The following PTK2B variants were observed in gnomAD, a reference collection of about 807,000 sequenced individuals.
PTK2B encodes protein tyrosine kinase 2 beta.
A neutral mutation model predicts 142.9 loss-of-function variants in PTK2B; 71 were observed. That is an observed-to-expected ratio of 0.50 (90% confidence interval 0.41 to 0.61). PTK2B has a LOEUF of 0.61. PTK2B is among the 20% of genes least tolerant of loss of function. The pLI, the probability that PTK2B is intolerant of heterozygous loss-of-function variation, is 0.00. For missense variants in PTK2B, 1,105 were observed against 1,320.4 expected, an observed-to-expected ratio of 0.84 and a Z score of 2.53; for synonymous variants, 519 against 503.4, an observed-to-expected ratio of 1.03 and a Z score of -0.42.
chr8:27,442,309 G>A (rs1428365102), intron 21 of PTK2B, among the ~76,000 whole-genome samples: 1 of 152,130 alleles, frequency 6.6e-6, no homozygotes, highest in Non-Finnish European at 1.5e-5. Flanking sequence ...GGATTCATGG[G>A]CAGTAATAAT....
intron 2 of PTK2B, among the ~76,000 whole-genome samples, chr8:27,404,703 G>T (rs543457494): frequency 6.6e-6 from 1 of 152,312 alleles, no homozygotes; most frequent in African/African-American, 2.4e-5. Flanking sequence ...GCAGACTGCA[G>T]ATGTCAGAAC....
rs1812083743 is a variant in PTK2B, at chr8:27,455,358, G to GT, written c.2814+750dup. 3.3e-5 allele frequency among the ~76,000 whole-genome samples: 5 copies of GT among 152,132 alleles called. No individual in the cohort carries two copies. In the South Asian group the frequency reaches 1.0e-3, roughly 32 times the overall value. On this transcript the variant is annotated intron_variant, in intron 30 of 30. Transcript: ENST00000346049. Reference sequence around the variant, plus strand: ...GCAGGTGAATTGCTTGAGCTCAGGAGTTTGAGACCAGCCTGGTCAACATGG... The same window carrying GT: ...GCAGGTGAATTGCTTGAGCTCAGGAGTTTTGAGACCAGCCTGGTCAACATGG...
At chr8:27,453,276 G>C in intron 28 of PTK2B, 116 bp downstream of exon 28, 1 of 1,385,488 alleles carries the variant, frequency 7.2e-7, no homozygotes, top group East Asian at 2.3e-5. Flanking sequence ...GTGTCCTCAT[G>C]ATACAGATGA....
intron 1 of PTK2B, among the ~76,000 whole-genome samples, chr8:27,328,694 TATG>T (rs991981170): frequency 1.3e-5 from 2 of 152,216 alleles, no homozygotes; most frequent in African/African-American, 4.8e-5. Context: ...AGATCAAGGT[TATG>T]ATAAGTCCTG....
intron 27 of PTK2B, chr8:27,452,457 G>C (rs1416671739): frequency 6.6e-6 from 1 of 151,882 alleles, no homozygotes; most frequent in East Asian, 1.9e-4. Context: ...AAGCCCAGCG[G>C]CTCAGGAGGC....
chr8:27,451,551 C>G (rs1413571204), intron 27 of PTK2B, 42 bp downstream of exon 27: 1 of 1,613,700 alleles, frequency 6.2e-7, no homozygotes, highest in Admixed American at 1.7e-5. Flanking sequence ...CCTCTTGGCA[C>G]CTTGTGCAGA....
intron 1 of PTK2B, among the ~76,000 whole-genome samples, chr8:27,333,197 G>GTT (rs1803864860): frequency 1.3e-5 from 2 of 152,178 alleles, no homozygotes; most frequent in African/African-American, 2.4e-5. Context: ...GAGAGGTGTG[G>GTT]TTTGAGTGAC....
At chr8:27,423,487 C>T (rs1233221911) in intron 5 of PTK2B, among the ~76,000 whole-genome samples, 4 of 152,088 alleles carry the variant, frequency 2.6e-5, no homozygotes, top group South Asian at 2.1e-4. Context: ...TTATCCTAGG[C>T]GTTTTTGACC....
At position 27,397,553 on chromosome 8, in the gene PTK2B, C is replaced by A. The variant is rs1354006538; in HGVS notation, c.-32C>A. The stretch of plus-strand genomic sequence containing the variant: ...ACCCTCTGCTGTCTCTGCAGGACTG[C>A]AATGTGCCGATCTTAGCTGCTGCCT... On this transcript the variant is annotated 5_prime_UTR_variant, in exon 2 of 31. Transcript: ENST00000346049. 6.2e-7 allele frequency: 1 copy of A among 1,608,026 alleles called. No homozygotes were observed. Among genetic ancestry groups the A allele is most frequent in the Non-Finnish European group, 8.5e-7 (1 of 1,175,956 alleles).
chr8:27,421,505 CT>C (rs1380788138), intron 4 of PTK2B, among the ~76,000 whole-genome samples: 1 of 152,174 alleles, frequency 6.6e-6, no homozygotes, highest in Non-Finnish European at 1.5e-5. Context: ...ATTCTTATGC[CT>C]TTGCATCATC....
intron 2 of PTK2B, among the ~76,000 whole-genome samples, chr8:27,405,035 C>CTCTCTCTCTCT (rs3076735): frequency 9.2e-5 from 11 of 119,638 alleles, no homozygotes; most frequent in East Asian, 2.4e-4. Flanking sequence ...TCTTTCTCTT[C>CTCTCTCTCTCT]CTCTCTCTCT....
chr8:27,310,695 G>T, upstream of PTK2B: 1 of 1,292,738 alleles, frequency 7.7e-7, no homozygotes, highest in Non-Finnish European at 1.1e-6. Flanking sequence ...GGAGCGAGAC[G>T]CGGGCACACT....
intron 28 of PTK2B, among the ~76,000 whole-genome samples, chr8:27,453,369 A>C (rs1009929070): frequency 6.6e-6 from 1 of 152,082 alleles, no homozygotes; most frequent in Non-Finnish European, 1.5e-5. Flanking sequence ...GGAAGAACCA[A>C]TCTCCCACTC....
At chr8:27,337,065 C>T (rs1178774525) in intron 1 of PTK2B, among the ~76,000 whole-genome samples, 1 of 148,636 alleles carries the variant, frequency 6.7e-6, no homozygotes, top group African/African-American at 2.5e-5. Context: ...AATTCACATA[C>T]CGTAAAATTC....
chr8:27,402,952 C>A (rs966787018), intron 2 of PTK2B, among the ~76,000 whole-genome samples: 1 of 152,158 alleles, frequency 6.6e-6, no homozygotes, highest in Non-Finnish European at 1.5e-5. Context: ...GTTGTGAGAG[C>A]AAGACTGGGT....
intron 21 of PTK2B, among the ~76,000 whole-genome samples, chr8:27,441,744 C>A (rs1294292129): frequency 6.6e-6 from 1 of 152,176 alleles, no homozygotes; most frequent in African/African-American, 2.4e-5. Context: ...TTTGAGAAGT[C>A]AAAAGGCTGC....
chr8:27,348,269 A>G (rs933737694), intron 1 of PTK2B, among the ~76,000 whole-genome samples: 2 of 152,200 alleles, frequency 1.3e-5, no homozygotes, highest in African/African-American at 4.8e-5. Flanking sequence ...TGTGTTACGA[A>G]TACTCAAATG....
At chr8:27,431,973 A>G (rs1810456546) in intron 9 of PTK2B, 2 of 363,572 alleles carry the variant, frequency 5.5e-6, no homozygotes, top group Admixed American at 4.1e-5. Context: ...TTCTTAAAAC[A>G]TGTTGAGATT....
At chr8:27,342,199 C>T (rs543625402) in intron 1 of PTK2B, among the ~76,000 whole-genome samples, 4 of 152,264 alleles carry the variant, frequency 2.6e-5, no homozygotes, top group East Asian at 1.9e-4. Flanking sequence ...CCCTACTCCA[C>T]GGGTGAGATT....
Sources: gnomAD v4.1 joint callset for allele counts (sites outside exome capture counted in the v4.1 genomes callset) on GRCh38, gnomAD v4.1.1 for gene constraint, MANE v1.5 for transcripts, NCBI Gene and HGNC (gene_info 2026-07-23, HGNC 2026-07-21) for gene names.